MAN1A2: variants seen among roughly 807,000 people sequenced by gnomAD.
MAN1A2 encodes mannosidase alpha class 1A member 2, also known as mannosyl-oligosaccharide 1,2-alpha-mannosidase IB.
MAN1A2 carries 26 observed loss-of-function variants against 75.7 expected under a neutral mutation model. The observed-to-expected ratio is 0.34, with a 90% confidence interval of 0.25 to 0.48. MAN1A2 has a LOEUF of 0.48. Among genes scored for constraint, MAN1A2 ranks in the 20% least tolerant of loss-of-function variants. The probability of loss-of-function intolerance (pLI) is 0.99; values close to 1 mark genes in which losing one functional copy is unlikely to be tolerated. For synonymous variants in MAN1A2, 247 were observed against 264.6 expected (o/e 0.93, Z 0.65); for missense variants, 562 against 775.5 (o/e 0.72, Z 3.27).
intron 3 of MAN1A2, among the ~76,000 whole-genome samples, chr1:117,411,836 A>G (rs1647829077): frequency 6.6e-6 from 1 of 151,824 alleles, no homozygotes; most frequent in Non-Finnish European, 1.5e-5. Flanking sequence ...AATATTGACA[A>G]GGATGCTAGA....
At chr1:117,488,185 A>G (rs542374017) in intron 8 of MAN1A2, among the ~76,000 whole-genome samples, 1 of 151,226 alleles carries the variant, frequency 6.6e-6, no homozygotes, top group South Asian at 2.1e-4. Context: ...AATAAAGAAT[A>G]TCATTAATCT....
At chr1:117,383,047 T>A (rs903799042) in intron 1 of MAN1A2, among the ~76,000 whole-genome samples, 4 of 152,192 alleles carry the variant, frequency 2.6e-5, no homozygotes, top group African/African-American at 9.7e-5. Context: ...TAACTGCTCT[T>A]GCTAGAACTT....
chr1:117,405,529 T>G lies in MAN1A2; in HGVS notation c.559-20T>G, dbSNP rs1407307447. 1 of 1,442,078 alleles carries G rather than the reference T, an allele frequency of 6.9e-7. No individual in the cohort carries two copies. Among genetic ancestry groups the G allele is most frequent in the Non-Finnish European group, 9.8e-7 (1 of 1,024,104 alleles). The allele number at this position is 1,442,078 out of a possible 1,614,324, so 89.3% of individuals were successfully genotyped here. A position where few individuals can be genotyped will look rare whatever the true frequency, so the allele number is the denominator to read the frequency against. ...TTGTGAAAAATTTAAATTGATGGAT[T>G]ATAATTTTTCTCTTTTCAGATGATG... On this transcript the variant is annotated intron_variant, in intron 2 of 12. Transcript: ENST00000356554.
chr1:117,430,058 G>A (rs1214593950), intron 5 of MAN1A2, among the ~76,000 whole-genome samples: 4 of 34,770 alleles, frequency 1.2e-4, no homozygotes, highest in African/African-American at 4.7e-4. Context: ...CCTCCCGGAC[G>A]GGGCGGCTGG....
chr1:117,501,170 A>G (rs1001591808), intron 11 of MAN1A2, among the ~76,000 whole-genome samples: 1 of 151,744 alleles, frequency 6.6e-6, no homozygotes, highest in Non-Finnish European at 1.5e-5. Context: ...ACTTTAGCCC[A>G]TGTCTGTCTA....
intron 4 of MAN1A2, among the ~76,000 whole-genome samples, chr1:117,417,607 T>G (rs958216045): frequency 2.8e-5 from 4 of 142,760 alleles, no homozygotes; most frequent in Non-Finnish European, 4.5e-5. Flanking sequence ...TTTTATCTCT[T>G]TTTTGTGTTT....
Position 117,482,473 on chromosome 1 carries a change from G to A in MAN1A2, c.1169-10674G>A, listed in dbSNP as rs544627912. Among the ~76,000 whole-genome samples, 14 of 152,112 alleles carry A rather than the reference G, an allele frequency of 9.2e-5. No individual in the cohort carries two copies. The South Asian group carries it at 2.9e-3, about 32-fold the overall frequency. ...TTGCATTTCTCTGATGACCAGTGAC[G>A]ATGAGCATTTTTTCATGTGTCTGTT... On this transcript the variant is annotated intron_variant, in intron 8 of 12. Transcript: ENST00000356554.
chr1:117,388,405 T>C (rs1432478668), intron 1 of MAN1A2, among the ~76,000 whole-genome samples: 1 of 152,096 alleles, frequency 6.6e-6, no homozygotes, highest in Non-Finnish European at 1.5e-5. Context: ...TACCCGAGAC[T>C]GGGTAATTTA....
At chr1:117,447,990 A>G (rs888791074) in intron 6 of MAN1A2, among the ~76,000 whole-genome samples, 2 of 152,148 alleles carry the variant, frequency 1.3e-5, no homozygotes, top group African/African-American at 4.8e-5. Flanking sequence ...AATAGCATTG[A>G]ATCTATAAAT....
chr1:117,423,986 G>A (rs1055617353), intron 5 of MAN1A2, among the ~76,000 whole-genome samples: 3 of 151,230 alleles, frequency 2.0e-5, no homozygotes, highest in Non-Finnish European at 1.5e-5. Flanking sequence ...GGGTTCAAGC[G>A]ATTCTCCTGC....
intron 8 of MAN1A2, among the ~76,000 whole-genome samples, chr1:117,471,017 A>G (rs1324675589): frequency 6.6e-6 from 1 of 150,794 alleles, no homozygotes; most frequent in Non-Finnish European, 1.5e-5. Flanking sequence ...GCAAATTACT[A>G]GTTTTTTTTT....
At chr1:117,434,528 A>G (rs1188460333) in intron 5 of MAN1A2, among the ~76,000 whole-genome samples, 33 of 152,338 alleles carry the variant, frequency 2.2e-4, no homozygotes, top group Non-Finnish European at 2.9e-5. Context: ...ACACAAGGGT[A>G]TACTCAAAAG....
chr1:117,375,915 GT>G lies in MAN1A2; in HGVS notation c.302+7444del, dbSNP rs33969366. 2.3e-4 allele frequency among the ~76,000 whole-genome samples: 32 copies of G among 140,952 alleles called. No homozygotes were observed. In the East Asian group the frequency reaches 3.7e-3, roughly 16 times the overall value. 92.5% of individuals were successfully genotyped at this position (140,952 alleles called of 152,430 possible). On this transcript the variant is annotated intron_variant, in intron 1 of 12. Transcript: ENST00000356554. Reference sequence around the variant, plus strand: ...GATGTATTTAAGATAATTAATTTATGTTTTTTTTTTTTTTGAGACGGAGTCT... The same window carrying G: ...GATGTATTTAAGATAATTAATTTATGTTTTTTTTTTTTTGAGACGGAGTCT...
At chr1:117,452,611 T>A (rs561341936) in intron 6 of MAN1A2, among the ~76,000 whole-genome samples, 1 of 152,328 alleles carries the variant, frequency 6.6e-6, no homozygotes, top group South Asian at 2.1e-4. Context: ...GCCCTAACTC[T>A]CTTCACGTCT....
intron 12 of MAN1A2, among the ~76,000 whole-genome samples, chr1:117,518,721 G>A (rs1651789437): frequency 6.6e-6 from 1 of 151,934 alleles, no homozygotes; most frequent in South Asian, 2.1e-4. Flanking sequence ...CAGATAGACA[G>A]CAACACAACA....
At chr1:117,418,435 A>G (rs1648079795) in intron 4 of MAN1A2, among the ~76,000 whole-genome samples, 1 of 152,186 alleles carries the variant, frequency 6.6e-6, no homozygotes, top group South Asian at 2.1e-4. Context: ...AAGGGGAGCC[A>G]TGTGGATATA....
chr1:117,380,404 T>G (rs759489571), intron 1 of MAN1A2, among the ~76,000 whole-genome samples: 2 of 152,214 alleles, frequency 1.3e-5, no homozygotes, highest in Non-Finnish European at 2.9e-5. Context: ...GCTTGTGCTT[T>G]GGGTGTCATA....
chr1:117,496,402 T>A (rs965420873), intron 9 of MAN1A2, among the ~76,000 whole-genome samples: 4 of 152,144 alleles, frequency 2.6e-5, no homozygotes, highest in Admixed American at 2.0e-4. Flanking sequence ...AAATGTATGT[T>A]CCAGTAGGGT....
chr1:117,394,843 T>G (rs2101744759), intron 1 of MAN1A2, among the ~76,000 whole-genome samples: 1 of 152,328 alleles, frequency 6.6e-6, no homozygotes, highest in African/African-American at 2.4e-5. Flanking sequence ...CAATGAAGGT[T>G]GAAGTGGAGG....
Sources: gnomAD v4.1 joint callset for allele counts (sites outside exome capture counted in the v4.1 genomes callset) on GRCh38, gnomAD v4.1.1 for gene constraint, MANE v1.5 for transcripts, NCBI Gene and HGNC (gene_info 2026-07-23, HGNC 2026-07-21) for gene names.